PKLR: variants seen among roughly 807,000 people sequenced by gnomAD.
PKLR encodes the protein pyruvate kinase L/R.
PKLR carries 38 observed loss-of-function variants against 53.6 expected under a neutral mutation model. That is an observed-to-expected ratio of 0.71 (90% CI 0.55 to 0.93). The LOEUF (loss-of-function observed/expected upper bound fraction) is 0.93. Among genes scored for constraint, PKLR ranks in the 40% least tolerant of loss-of-function variants. The pLI, the probability that PKLR is intolerant of heterozygous loss-of-function variation, is 0.00. For synonymous variants in PKLR, 328 were observed against 316.2 expected, an observed-to-expected ratio of 1.04 and a Z score of -0.39; for missense variants, 702 against 787.3, an observed-to-expected ratio of 0.89 and a Z score of 1.30.
In PKLR at chr1:155,290,572, TCAGGATATGCTTAGCACCCGCATG is replaced by T; in HGVS notation, c.1701_1724del (p.Met568_Ter575delextTer41). 2.5e-6 allele frequency: 4 copies of T among 1,595,874 alleles called. No homozygotes were observed. Among genetic ancestry groups the T allele is most frequent in the Non-Finnish European group, 3.4e-6 (4 of 1,163,880 alleles). On this transcript the variant is annotated stop_lost and inframe_deletion, in exon 11 of 11. Coordinates refer to ENST00000342741, the MANE Select transcript of PKLR (RefSeq NM_000298.6). ...CTGGGCCAGAGGAGGGAGGGGCGTCTCAGGATATGCTTAGCACCCGCATGATGTTGGTGTAGCCGGAGCCAGGTC... is the reference window on the plus strand; with the variant it reads ...CTGGGCCAGAGGAGGGAGGGGCGTCTATGTTGGTGTAGCCGGAGCCAGGTC...
At chr1:155,300,044 C>A in intron 2 of PKLR, 54 bp downstream of exon 2, 1 of 1,513,626 alleles carries the variant, frequency 6.6e-7, no homozygotes, top group East Asian at 2.3e-5. Flanking sequence ...TGAAGAAGCA[C>A]CTCAAGAAAT....
chr1:155,304,047 G>A (rs1648164417), upstream of PKLR, among the ~76,000 whole-genome samples: 1 of 152,118 alleles, frequency 6.6e-6, no homozygotes, highest in South Asian at 2.1e-4. Flanking sequence ...GTGAAGATAG[G>A]GGACCTGAGC....
Position 155,295,415 on chromosome 1 carries a change from G to A in PKLR, c.507+22C>T, listed in dbSNP as rs1381069293. On this transcript the variant is annotated intron_variant, in intron 4 of 10. Coordinates refer to ENST00000342741, the MANE Select transcript of PKLR (RefSeq NM_000298.6). The surrounding 1 kb of genome is among the most constrained non-coding windows in gnomAD (Gnocchi z 4.3). The stretch of plus-strand genomic sequence containing the variant: ...GCCGCCTTTCCGGCCCTGGCCCAGC[G>A]AGTCCCAGCCCCACTGCTCACCCCC... The A allele has an allele frequency of 7.4e-6, 12 of 1,611,634 alleles. No individual in the cohort carries two copies. The highest frequency in any genetic ancestry group is 2.2e-5 in the East Asian group (1 of 44,748).
chr1:155,299,976 A>G (rs889123762), intron 2 of PKLR, 122 bp downstream of exon 2: 2 of 1,074,474 alleles, frequency 1.9e-6, no homozygotes. Flanking sequence ...TGCTCAACAA[A>G]TTTTTGTTAA....
intron 2 of PKLR, among the ~76,000 whole-genome samples, chr1:155,296,619 A>G (rs1647613418): frequency 6.6e-6 from 1 of 152,056 alleles, no homozygotes; most frequent in Non-Finnish European, 1.5e-5. Context: ...TGCTGGGATT[A>G]CAGGTGTGAG....
In PKLR at chr1:155,295,536, C is replaced by T; in HGVS notation, c.408G>A (p.Glu136=). 1 of 1,613,702 alleles carries T rather than the reference C, an allele frequency of 6.2e-7. No individual in the cohort carries two copies. The highest frequency in any genetic ancestry group is 8.5e-7 in the Non-Finnish European group (1 of 1,179,864). The change falls in exon 4 of 11, where the codon GAG becomes GAA. Residue 136 remains glutamate (E), a synonymous_variant. Coordinates refer to ENST00000342741, the MANE Select transcript of PKLR (RefSeq NM_000298.6). The surrounding 1 kb of genome is among the most constrained non-coding windows in gnomAD (Gnocchi z 4.3). ...YHAESIANVR[E]AVESFAGSPL... ...GGGAACCTGCAAAGCTCTCCACCGC[C>T]TCCCGGACGTTGGCGATGGACTCAG...
chr1:155,294,818 A>G, intron 5 of PKLR, 66 bp from the exon 6 acceptor site: 1 of 1,586,550 alleles, frequency 6.3e-7, no homozygotes, highest in Non-Finnish European at 8.6e-7. Flanking sequence ...AGCAGAGAGG[A>G]CACTGGGGCT....
In PKLR at chr1:155,293,391, AG is replaced by A; in HGVS notation, c.1269+46del. ...CTGGGAAGGGGCACTGGGGTATGGA[AG>A]GGATTTGGTTCCCTGGCCCATTTGC... On this transcript the variant is annotated intron_variant, in intron 8 of 10. Transcript: ENST00000342741. The surrounding 1 kb of genome is among the most constrained non-coding windows in gnomAD (Gnocchi z 4.2). 6.2e-7 allele frequency: 1 copy of A among 1,614,178 alleles called. No homozygotes were observed.
At chr1:155,296,346 C>CT (rs914053906) in intron 2 of PKLR, among the ~76,000 whole-genome samples, 61 of 151,430 alleles carry the variant, frequency 4.0e-4, no homozygotes, top group East Asian at 7.8e-4. Flanking sequence ...CTTTTTCTTT[C>CT]TTTTTTTTTG....
At position 155,294,744 on chromosome 1, in the gene PKLR, C is replaced by T; in HGVS notation, c.703G>A (p.Gly235Arg). ...SLVVQKIGPE[G>R]LVTQVENGGV... ...CCGTTCTCCACTTGGGTCACCAGTC[C>T]CTCTGGGCCTGCGGACATGGAAAGA... Residue 235 changes from glycine to arginine, a missense_variant, in exon 6 of 11, where the codon GGA (glycine) becomes AGA (arginine). By Grantham distance (125) the Gly-to-Arg change is moderately radical. Around this residue, in one of 2 missense-constraint regions of PKLR, gnomAD observed 519 missense variants for 537.1 expected, o/e 0.97. Coordinates refer to ENST00000342741, the MANE Select transcript of PKLR (RefSeq NM_000298.6). The T allele has an allele frequency of 6.2e-7, 1 of 1,613,962 alleles. No homozygotes were observed. The highest frequency in any genetic ancestry group is 8.5e-7 in the Non-Finnish European group (1 of 1,180,034).
intron 9 of PKLR, 53 bp from the exon 10 acceptor site, chr1:155,291,990 G>A: frequency 1.3e-6 from 2 of 1,551,080 alleles, no homozygotes; most frequent in East Asian, 2.2e-5. Context: ...GGTGAACGAG[G>A]AAAGGAGAAT....
chr1:155,298,304 G>A (rs1322284420), intron 2 of PKLR, among the ~76,000 whole-genome samples: 1 of 151,780 alleles, frequency 6.6e-6, no homozygotes, highest in East Asian at 1.9e-4. Flanking sequence ...AAAGTGCTGG[G>A]ATTACAGGCA....
chr1:155,293,521 G>A lies in PKLR; in HGVS notation c.1186C>T (p.Leu396=), dbSNP rs761407486. Residue 396 remains leucine (L), a synonymous_variant, in exon 8 of 11, where the codon CTG becomes TTG. Transcript: ENST00000342741. The surrounding 1 kb of genome is among the most constrained non-coding windows in gnomAD (Gnocchi z 4.2). ...AGCATGATGCAGTCAGCCCCATCCA[G>A]CACAGCATTGGCGACATCGCTTGTC... ...AETSDVANAV[L]DGADCIMLSG... 4.3e-6 allele frequency: 7 copies of A among 1,614,228 alleles called. No individual in the cohort carries two copies. The highest frequency in any genetic ancestry group is 5.9e-6 in the Non-Finnish European group (7 of 1,180,018).
chr1:155,300,343 C>T lies in PKLR; in HGVS notation c.101-63G>A. On this transcript the variant is annotated intron_variant, in intron 1 of 10. Transcript: ENST00000342741. ...GCCCTTCCTCCCCATGCCTTCGTCT[C>T]TCAGCATACCCTCTGTTCCTTCCCT... is the stretch of plus-strand genomic sequence containing the variant. 2.3e-6 allele frequency: 3 copies of T among 1,311,716 alleles called. No homozygotes were observed. The South Asian group carries it at 3.8e-5, about 16-fold the overall frequency. 81.3% of individuals were successfully genotyped at this position (1,311,716 alleles called of 1,614,324 possible). A position where few individuals can be genotyped will look rare whatever the true frequency, so the allele number is the denominator to read the frequency against.
In PKLR at chr1:155,293,176, C is replaced by T; in HGVS notation, c.1436+1G>A. The T allele has an allele frequency of 1.2e-6, 2 of 1,613,918 alleles. No homozygotes were observed. Among genetic ancestry groups the T allele is most frequent in the Non-Finnish European group, 1.7e-6 (2 of 1,179,822 alleles). On this transcript the variant is annotated splice_donor_variant, in intron 9 of 10. Coordinates refer to ENST00000342741, the MANE Select transcript of PKLR (RefSeq NM_000298.6). LOFTEE classifies it high-confidence loss of function. This position sits in a 1 kb window ranked among gnomAD's most constrained non-coding sequence, Gnocchi z 4.2. ...CTGGACATTCCCAATATCCCCCTCA[C>T]CGGCCAGTTGTGGTCAGCACAATGA...
In PKLR at chr1:155,294,641, ACGTCCTGCT is replaced by A. The variant is rs1647448238; in HGVS notation, c.797_805del (p.Glu266_Asp268del). The A allele has an allele frequency of 6.2e-7, 1 of 1,614,096 alleles. No homozygotes were observed. The highest frequency in any genetic ancestry group is 1.3e-5 in the African/African-American group (1 of 74,960). ...CTCCACCCCGAAGCGCAGGTCTCGG[ACGTCCTGCT>A]CGGACAGCCCGGGCAAGTCCACCTG... On this transcript the variant is annotated inframe_deletion, in exon 6 of 11. Coordinates refer to ENST00000342741, the MANE Select transcript of PKLR (RefSeq NM_000298.6).
At chr1:155,294,105 C>T (rs1647398079) in intron 7 of PKLR, 130 bp downstream of exon 7, 1 of 1,082,230 alleles carries the variant, frequency 9.2e-7, no homozygotes, top group Non-Finnish European at 1.4e-6. Context: ...TGCACTCCAG[C>T]CTGGATGACA....
In PKLR at chr1:155,291,751, C is replaced by T; in HGVS notation, c.1618+5G>A. The T allele has an allele frequency of 6.2e-7, 1 of 1,613,616 alleles. No individual in the cohort carries two copies. The highest frequency in any genetic ancestry group is 8.5e-7 in the Non-Finnish European group (1 of 1,179,580). ...GGAGTGGCAGGGAAGGTCTAGGTAG[C>T]TCACCACTTTCAATGCCAAATTGCA... is the stretch of plus-strand genomic sequence containing the variant. On this transcript the variant is annotated splice_donor_5th_base_variant and intron_variant, in intron 10 of 10. Transcript: ENST00000342741.
At position 155,294,735 on chromosome 1, in the gene PKLR, T is replaced by G. The variant is rs1301549572; in HGVS notation, c.712A>C (p.Thr238Pro). 1 of 1,613,792 alleles carries G rather than the reference T, an allele frequency of 6.2e-7. No homozygotes were observed. The highest frequency in any genetic ancestry group is 1.3e-5 in the African/African-American group (1 of 74,914). ...VQKIGPEGLV[T>P]QVENGGVLGS... ...AGGACGCCGCCGTTCTCCACTTGGG[T>G]CACCAGTCCCTCTGGGCCTGCGGAC... The change falls in exon 6 of 11, where the codon ACC becomes CCC. Residue 238 changes from threonine (T) to proline (P), a missense_variant. Thr to Pro is a conservative substitution (Grantham distance 38). Transcript: ENST00000342741.
Sources: allele counts gnomAD v4.1 joint callset (sites outside exome capture counted in the v4.1 genomes callset), GRCh38; gene constraint gnomAD v4.1.1; regional missense constraint gnomAD v4.1.1; non-coding constraint Gnocchi (gnomAD v3.1); transcripts MANE v1.5; gene names NCBI Gene and HGNC (gene_info 2026-07-23, HGNC 2026-07-21).